OLFML2B: variants seen among roughly 807,000 people sequenced by gnomAD.
OLFML2B encodes olfactomedin-like protein 2B.
OLFML2B carries 57 observed loss-of-function variants against 74.9 expected under a neutral mutation model. The ratio of observed to expected loss-of-function variants is 0.76; its 90% CI spans 0.61 to 0.95. OLFML2B has a LOEUF of 0.95. Ranked by LOEUF, OLFML2B falls within the 40% of genes least tolerant of loss-of-function variation. The probability of loss-of-function intolerance (pLI) is 0.00; values close to 1 mark genes in which losing one functional copy is unlikely to be tolerated. For synonymous variants in OLFML2B, 388 were observed against 405.8 expected (o/e 0.96, Z 0.53); for missense variants, 986 against 970.6 (o/e 1.02, Z -0.21).
intron 6 of OLFML2B, among the ~76,000 whole-genome samples, chr1:161,996,229 C>T (rs909330279): frequency 6.6e-6 from 1 of 152,046 alleles, no homozygotes; most frequent in Non-Finnish European, 1.5e-5. Context: ...CATGGAACAG[C>T]AAATAAAAAA....
chr1:162,009,066 C>A (rs553495510), intron 3 of OLFML2B, among the ~76,000 whole-genome samples: 1 of 152,286 alleles, frequency 6.6e-6, no homozygotes, highest in East Asian at 1.9e-4. Context: ...CAGTGCTGCA[C>A]TGAGGGTTCA....
rs1333221714 is a variant in OLFML2B, at chr1:162,016,016, G to A, written c.546+1384C>T. Reference sequence around the variant, plus strand: ...AACATCTCATCATAGCATTGGAGGAGCTAAGCCCAAGGGCGGGTGGAAAAG... The same window carrying A: ...AACATCTCATCATAGCATTGGAGGAACTAAGCCCAAGGGCGGGTGGAAAAG... On this transcript the variant is annotated intron_variant, in intron 3 of 7. Transcript: ENST00000294794. Among the ~76,000 whole-genome samples, 8 of 152,314 alleles carry A rather than the reference G, an allele frequency of 5.3e-5. 1 individual carries two copies. Among genetic ancestry groups the A allele is most frequent in the African/African-American group, 1.9e-4 (8 of 41,556 alleles).
chr1:162,004,652 C>G (rs1348945501), intron 4 of OLFML2B, among the ~76,000 whole-genome samples: 1 of 152,142 alleles, frequency 6.6e-6, no homozygotes, highest in South Asian at 2.1e-4. Flanking sequence ...ACTGCCCTAC[C>G]CAAGAGTTTC....
At chr1:162,018,355 G>A (rs1259513270) in intron 2 of OLFML2B, among the ~76,000 whole-genome samples, 1 of 152,132 alleles carries the variant, frequency 6.6e-6, no homozygotes, top group Non-Finnish European at 1.5e-5. Flanking sequence ...AAGATAGCTG[G>A]CTCATAACAG....
chr1:161,985,011 G>T (rs1689552351), intron 6 of OLFML2B, 31 bp from the exon 7 acceptor site: 2 of 1,585,600 alleles, frequency 1.3e-6, no homozygotes, highest in South Asian at 1.1e-5. Context: ...GGAGGTTTTG[G>T]GCTGATCTAG....
intron 4 of OLFML2B, 53 bp downstream of exon 4, chr1:162,006,244 A>T: frequency 2.0e-6 from 3 of 1,477,584 alleles, no homozygotes; most frequent in Non-Finnish European, 2.7e-6. Context: ...AGAGATGCTG[A>T]TATCACACTT....
At chr1:162,000,914 A>G (rs1441088878) in intron 4 of OLFML2B, among the ~76,000 whole-genome samples, 1 of 152,140 alleles carries the variant, frequency 6.6e-6, no homozygotes, top group Non-Finnish European at 1.5e-5. Flanking sequence ...CCTCCTACAT[A>G]CAGAATAAAG....
At chr1:161,989,144 C>T (rs1391316346) in intron 6 of OLFML2B, among the ~76,000 whole-genome samples, 3 of 152,242 alleles carry the variant, frequency 2.0e-5, no homozygotes, top group Non-Finnish European at 2.9e-5. Flanking sequence ...TCTAACTTAT[C>T]CTCCCCAGTA....
intron 3 of OLFML2B, among the ~76,000 whole-genome samples, chr1:162,010,041 G>A (rs1690333268): frequency 6.6e-6 from 1 of 152,258 alleles, no homozygotes; most frequent in African/African-American, 2.4e-5. Flanking sequence ...TGGCGGCAGA[G>A]GTGGGAATCG....
In OLFML2B at chr1:161,983,815, T is replaced by C. The variant is rs1443637551; in HGVS notation, c.2113A>G (p.Asn705Asp). Reference sequence around the variant, plus strand: ...AGCAGCCTGGGGACGATCTGTGTGTTGGTGTGGGTGTCGAAAGCGTAGGAG... The same window carrying C: ...AGCAGCCTGGGGACGATCTGTGTGTCGGTGTGGGTGTCGAAAGCGTAGGAG... ...NISYAFDTHT[N>D]TQIVPRLLFE... The change falls in exon 8 of 8, where the codon AAC becomes GAC. Residue 705 changes from asparagine to aspartate, a missense_variant. Physicochemically the swap from Asn to Asp is conservative, Grantham distance 23. Coordinates refer to ENST00000294794, the MANE Select transcript of OLFML2B (RefSeq NM_015441.3). The C allele has an allele frequency of 1.2e-6, 2 of 1,614,116 alleles. No individual in the cohort carries two copies. The highest frequency in any genetic ancestry group is 1.7e-6 in the Non-Finnish European group (2 of 1,180,016).
intron 4 of OLFML2B, among the ~76,000 whole-genome samples, chr1:162,002,961 A>C (rs1049710656): frequency 1.2e-4 from 19 of 152,386 alleles, no homozygotes; most frequent in Admixed American, 1.0e-3. Context: ...GGGAAGGTAG[A>C]TACCATTATC....
intron 2 of OLFML2B, among the ~76,000 whole-genome samples, chr1:162,019,142 T>C (rs1264555945): frequency 1.3e-5 from 2 of 152,238 alleles, no homozygotes; most frequent in Non-Finnish European, 2.9e-5. Flanking sequence ...GCGCTTTACA[T>C]AGTCATCCAT....
intron 4 of OLFML2B, 56 bp downstream of exon 4, chr1:162,006,241 C>T: frequency 6.1e-6 from 9 of 1,474,500 alleles, no homozygotes; most frequent in Non-Finnish European, 7.2e-6. Context: ...AGGAGAGATG[C>T]TGATATCACA....
chr1:162,002,111 C>T (rs1690096005), intron 4 of OLFML2B, among the ~76,000 whole-genome samples: 1 of 152,190 alleles, frequency 6.6e-6, no homozygotes, highest in South Asian at 2.1e-4. Flanking sequence ...CCTTTGAAAG[C>T]AAAGGACCTT....
At chr1:162,018,299 G>T (rs7554352) in intron 2 of OLFML2B, among the ~76,000 whole-genome samples, 4,064 of 152,208 alleles carry the variant, frequency 0.027, 179 homozygotes, top group African/African-American at 0.092. Flanking sequence ...GTTAAAAAAA[G>T]AAAACAAGCA....
At chr1:161,985,516 G>A (rs1218020325) in intron 6 of OLFML2B, among the ~76,000 whole-genome samples, 1 of 152,172 alleles carries the variant, frequency 6.6e-6, no homozygotes, top group Non-Finnish European at 1.5e-5. Flanking sequence ...CTTGCTGCAG[G>A]CACCCAAATG....
At position 162,019,893 on chromosome 1, in the gene OLFML2B, A is replaced by G. The variant is rs755718242; in HGVS notation, c.438+26T>C. ...GATCTCAAAAGTGCCCTCTCGTCCA[A>G]GGCATTGCCCCATACCAGGTCCTAC... On this transcript the variant is annotated intron_variant, in intron 2 of 7. Transcript: ENST00000294794. 5 of 1,610,324 alleles carry G rather than the reference A, an allele frequency of 3.1e-6. No homozygotes were observed. In the South Asian group the frequency reaches 3.3e-5, roughly 11 times the overall value.
chr1:162,018,385 A>G (rs1690606913), intron 2 of OLFML2B, among the ~76,000 whole-genome samples: 1 of 152,190 alleles, frequency 6.6e-6, no homozygotes, highest in Non-Finnish European at 1.5e-5. Context: ...TTCTATAAAT[A>G]CTCAACAAGG....
At chr1:162,019,596 T>C (rs1443478490) in intron 2 of OLFML2B, among the ~76,000 whole-genome samples, 1 of 152,188 alleles carries the variant, frequency 6.6e-6, no homozygotes, top group African/African-American at 2.4e-5. Context: ...GGGTGTGTGC[T>C]AGGCTGATAG....
Sources: allele counts gnomAD v4.1 joint callset (sites outside exome capture counted in the v4.1 genomes callset), GRCh38; gene constraint gnomAD v4.1.1; transcripts MANE v1.5; gene names NCBI Gene and HGNC (gene_info 2026-07-23, HGNC 2026-07-21).